Variants in AR observed in about 807,000 individuals in gnomAD.
AR encodes the protein dihydrotestosterone receptor.
A neutral mutation model predicts 53.9 loss-of-function variants in AR; 8 were observed. The ratio of observed to expected loss-of-function variants is 0.15; its 90% CI spans 0.09 to 0.27. The LOEUF (loss-of-function observed/expected upper bound fraction) is 0.27. Among genes scored for constraint, AR ranks in the 10% least tolerant of loss-of-function variants. The probability of loss-of-function intolerance (pLI) is 1.00; values close to 1 mark genes in which losing one functional copy is unlikely to be tolerated. For synonymous variants in AR, 359 were observed against 316.4 expected (o/e 1.13, Z -1.43); for missense variants, 639 against 742.5 (o/e 0.86, Z 1.62).
intron 1 of AR, among the ~76,000 whole-genome samples, chrX:67,635,530 T>C (rs1195210806): frequency 9.1e-6 from 1 of 110,180 alleles, no homozygotes; most frequent in Admixed American, 9.8e-5. Context: ...GAAAAGAAAG[T>C]TGGGGGACAG....
chrX:67,611,950 T>A (rs1222763596), intron 1 of AR, among the ~76,000 whole-genome samples: 1 of 111,330 alleles, frequency 9.0e-6, no homozygotes, highest in Non-Finnish European at 1.9e-5. Context: ...CTTAAGCAAC[T>A]CAGAGAATTT....
intron 1 of AR, among the ~76,000 whole-genome samples, chrX:67,552,838 T>C (rs1464696066): frequency 8.9e-6 from 1 of 112,236 alleles, no homozygotes; most frequent in Non-Finnish European, 1.9e-5. Context: ...TATATCTTCT[T>C]TTTTGAGAAA....
chrX:67,709,874 G>T (rs931095790), intron 3 of AR, among the ~76,000 whole-genome samples: 1 of 111,925 alleles, frequency 8.9e-6, no homozygotes, highest in African/African-American at 3.3e-5. Context: ...TGATAGGATA[G>T]AATTTGATAG....
At chrX:67,635,472 C>T (rs1925385436) in intron 1 of AR, among the ~76,000 whole-genome samples, 1 of 111,161 alleles carries the variant, frequency 9.0e-6, no homozygotes, top group South Asian at 3.8e-4. Context: ...ACTGGTGGGA[C>T]TTACTTAAGT....
In AR at chrX:67,695,267, CAG is replaced by C. The variant is rs1447915917; in HGVS notation, c.1885+9142_1885+9143del. On this transcript the variant is annotated intron_variant, in intron 3 of 7. Coordinates refer to ENST00000374690, the MANE Select transcript of AR (RefSeq NM_000044.6). Reference sequence around the variant, plus strand: ...AGGTTCTAGCCTTCTGGATCCCAGCCAGTGACCTAGATCTTAGCCTCAGGCCC... The same window carrying C: ...AGGTTCTAGCCTTCTGGATCCCAGCCTGACCTAGATCTTAGCCTCAGGCCC... 6 of 752,233 alleles carry C rather than the reference CAG, an allele frequency of 8.0e-6. No individual in the cohort carries two copies. The Admixed American group carries it at 5.3e-4, about 66-fold the overall frequency. 62.0% of individuals were successfully genotyped at this position (752,233 alleles called of 1,213,427 possible).
intron 2 of AR, among the ~76,000 whole-genome samples, chrX:67,663,735 C>G (rs781223265): frequency 8.9e-6 from 1 of 112,249 alleles, no homozygotes; most frequent in South Asian, 3.7e-4. Context: ...AACTTGGTTC[C>G]ATTCTCCCCA....
At chrX:67,660,816 T>A (rs1272321269) in intron 2 of AR, among the ~76,000 whole-genome samples, 2 of 111,686 alleles carry the variant, frequency 1.8e-5, no homozygotes, top group South Asian at 3.8e-4. Flanking sequence ...GTATGGCCAT[T>A]TTCACAATAT....
intron 1 of AR, among the ~76,000 whole-genome samples, chrX:67,625,962 T>C (rs1210265632): frequency 9.0e-6 from 1 of 111,392 alleles, no homozygotes; most frequent in Non-Finnish European, 1.9e-5. Flanking sequence ...AGTAGGTGTG[T>C]ATATTTATGG....
At position 67,544,372 on chromosome X, in the gene AR, C is replaced by T. The variant is rs1274801664; in HGVS notation, c.-775C>T. On this transcript the variant is annotated 5_prime_UTR_variant, in exon 1 of 8. Coordinates refer to ENST00000374690, the MANE Select transcript of AR (RefSeq NM_000044.6). ...CCGCCTCCCCCCACCCTGCCTTCCCCCCCTCCCCCGTCTTCTCTCCCGCAG... is the reference window on the plus strand; with the variant it reads ...CCGCCTCCCCCCACCCTGCCTTCCCTCCCTCCCCCGTCTTCTCTCCCGCAG... 1 of 99,016 alleles carries T rather than the reference C, an allele frequency of 1.0e-5. No individual in the cohort carries two copies. Among genetic ancestry groups the T allele is most frequent in the East Asian group, 1.9e-4 (1 of 5,382 alleles). 8.2% of individuals were successfully genotyped at this position (99,016 alleles called of 1,213,427 possible).
chrX:67,643,151 A>G (rs1259687390), intron 1 of AR, 105 bp from the exon 2 acceptor site: 4 of 972,469 alleles, frequency 4.1e-6, no homozygotes. Context: ...AGCAATGAAT[A>G]ATAGTCATTT....
intron 1 of AR, among the ~76,000 whole-genome samples, chrX:67,602,900 C>G (rs191447642): frequency 8.9e-6 from 1 of 111,953 alleles, no homozygotes; most frequent in African/African-American, 3.2e-5. Flanking sequence ...ATTTACCATG[C>G]AAGGCAAGGC....
intron 1 of AR, among the ~76,000 whole-genome samples, chrX:67,572,674 A>G (rs902513698): frequency 1.8e-5 from 2 of 111,240 alleles, no homozygotes; most frequent in African/African-American, 6.5e-5. Flanking sequence ...TTTCTGTTTT[A>G]CTGGTATGAT....
At chrX:67,604,662 C>T (rs1250086592) in intron 1 of AR, among the ~76,000 whole-genome samples, 1 of 111,295 alleles carries the variant, frequency 9.0e-6, no homozygotes, top group South Asian at 3.8e-4. Flanking sequence ...TCTTTGGCCC[C>T]TCCTCAAACT....
intron 3 of AR, chrX:67,695,473 C>T: frequency 1.3e-6 from 1 of 754,343 alleles, no homozygotes; most frequent in Non-Finnish European, 1.6e-6. Context: ...ATTGCTCTCT[C>T]ACATCACATG....
intron 3 of AR, chrX:67,695,942 T>G: frequency 1.3e-6 from 1 of 753,192 alleles, no homozygotes; most frequent in Non-Finnish European, 1.6e-6. Flanking sequence ...AGAATTTTAA[T>G]CTCCAGACCA....
At position 67,685,991 on chromosome X, in the gene AR, C is replaced by T. The variant is rs2147497344; in HGVS notation, c.1769-19C>T. 1 of 1,209,967 alleles carries T rather than the reference C, an allele frequency of 8.3e-7. No individual in the cohort carries two copies. The highest frequency in any genetic ancestry group is 2.2e-5 in the Admixed American group (1 of 46,004). On this transcript the variant is annotated intron_variant, in intron 2 of 7. Coordinates refer to ENST00000374690, the MANE Select transcript of AR (RefSeq NM_000044.6). ...AAACTCATTATCAGGTCTATCAACT[C>T]TTGTATTTGTTCTCCCAGGGAAACA... is the stretch of plus-strand genomic sequence containing the variant.
intron 5 of AR, among the ~76,000 whole-genome samples, chrX:67,718,671 C>A (rs1417430499): frequency 2.7e-5 from 3 of 110,921 alleles, no homozygotes; most frequent in Non-Finnish European, 3.8e-5. Context: ...TGCTCTGCCA[C>A]CCAGGCTGGA....
chrX:67,708,513 T>C (rs979048048), intron 3 of AR, among the ~76,000 whole-genome samples: 1 of 111,985 alleles, frequency 8.9e-6, no homozygotes, highest in African/African-American at 3.2e-5. Context: ...TAAGGCCGTC[T>C]CTACATTGAT....
Position 67,602,131 on chromosome X carries a change from A to G in AR, c.1617-41125A>G, listed in dbSNP as rs768211195. Among the ~76,000 whole-genome samples, 37 of 112,592 alleles carry G rather than the reference A, an allele frequency of 3.3e-4. 1 individual carries two copies. The highest frequency in any genetic ancestry group is 6.6e-4 in the Admixed American group (7 of 10,592). Reference sequence around the variant, plus strand: ...GAAAGTTTACATGACAGTAAGTAATATATAATTAGAAAGGATAATTCTTAT... The same window carrying G: ...GAAAGTTTACATGACAGTAAGTAATGTATAATTAGAAAGGATAATTCTTAT... On this transcript the variant is annotated intron_variant, in intron 1 of 7. Transcript: ENST00000374690.
Sources: allele counts gnomAD v4.1 joint callset (sites outside exome capture counted in the v4.1 genomes callset), GRCh38; gene constraint gnomAD v4.1.1; transcripts MANE v1.5; gene names NCBI Gene and HGNC (gene_info 2026-07-23, HGNC 2026-07-21).